The following CASK variants were observed in gnomAD, a reference collection of about 807,000 sequenced individuals.
CASK encodes peripheral plasma membrane protein CASK.
In CASK, 4 loss-of-function variants were observed where a neutral mutation model predicts 82.9. The ratio of observed to expected loss-of-function variants is 0.05; its 90% CI spans 0.02 to 0.11. The LOEUF is 0.11. CASK is among the 10% of genes least tolerant of loss of function. The probability of loss-of-function intolerance (pLI) is 1.00; values close to 1 mark genes in which losing one functional copy is unlikely to be tolerated. For missense variants in CASK, 358 were observed against 720.9 expected, an observed-to-expected ratio of 0.50 and a Z score of 5.76; for synonymous variants, 259 against 253.5, an observed-to-expected ratio of 1.02 and a Z score of -0.20.
chrX:41,715,624 A>G (rs1390344147), intron 5 of CASK, among the ~76,000 whole-genome samples: 1 of 98,884 alleles, frequency 1.0e-5, no homozygotes, highest in Non-Finnish European at 2.0e-5. Context: ...CTCTGACTTG[A>G]AAAAAAAAAA....
chrX:41,668,249 T>C (rs770957670), intron 6 of CASK, among the ~76,000 whole-genome samples: 1 of 111,755 alleles, frequency 8.9e-6, no homozygotes, highest in Non-Finnish European at 1.9e-5. Flanking sequence ...AATAGGGCTA[T>C]CCAACTCGGG....
chrX:41,677,396 G>A (rs1220295206), intron 5 of CASK, among the ~76,000 whole-genome samples: 1 of 111,502 alleles, frequency 9.0e-6, no homozygotes, highest in Admixed American at 9.6e-5. Flanking sequence ...AAGAAAACAA[G>A]GTCTAGACAG....
At chrX:41,808,951 C>A (rs958875091) in intron 2 of CASK, among the ~76,000 whole-genome samples, 3 of 112,777 alleles carry the variant, frequency 2.7e-5, no homozygotes, top group African/African-American at 6.4e-5. Context: ...TATCCTGTGC[C>A]TGGCTCAGAG....
intron 1 of CASK, among the ~76,000 whole-genome samples, chrX:41,904,641 G>A: frequency 9.0e-6 from 1 of 111,030 alleles, no homozygotes; most frequent in Non-Finnish European, 1.9e-5. Context: ...AGGTTCAGGG[G>A]ATACATATTA....
At chrX:41,700,489 A>G (rs763031460) in intron 5 of CASK, among the ~76,000 whole-genome samples, 1 of 110,433 alleles carries the variant, frequency 9.1e-6, no homozygotes, top group East Asian at 2.9e-4. Flanking sequence ...TGGGGAGCAG[A>G]CACAAGGATA....
intron 8 of CASK, among the ~76,000 whole-genome samples, chrX:41,640,042 G>A (rs189130786): frequency 3.6e-4 from 40 of 111,523 alleles, no homozygotes; most frequent in African/African-American, 1.3e-3. Flanking sequence ...GAATATTAAT[G>A]TCTTTGTATG....
chrX:41,751,330 C>G (rs1471213760), intron 3 of CASK, among the ~76,000 whole-genome samples: 1 of 111,422 alleles, frequency 9.0e-6, no homozygotes, highest in South Asian at 3.8e-4. Context: ...CTCAAACGAT[C>G]CTTTTGCTTG....
At chrX:41,825,865 C>T (rs765914591) in intron 2 of CASK, among the ~76,000 whole-genome samples, 179 of 112,503 alleles carry the variant, frequency 1.6e-3, no homozygotes, top group Non-Finnish European at 3.0e-3. Context: ...GAAATAATTT[C>T]CCTATCTTTT....
chrX:41,609,809 T>G, intron 12 of CASK, 95 bp downstream of exon 12: 1 of 942,213 alleles, frequency 1.1e-6, no homozygotes, highest in Non-Finnish European at 1.5e-6. Context: ...CGCCCGCCTC[T>G]GCCTCCCAAA....
intron 5 of CASK, among the ~76,000 whole-genome samples, chrX:41,690,657 G>A (rs1388323825): frequency 2.0e-5 from 2 of 98,299 alleles, no homozygotes; most frequent in African/African-American, 7.6e-5. Context: ...CACTGCTCCC[G>A]GCCAATTTTT....
At chrX:41,646,110 C>A (rs2066753738) in intron 8 of CASK, among the ~76,000 whole-genome samples, 1 of 111,370 alleles carries the variant, frequency 9.0e-6, no homozygotes, top group Non-Finnish European at 1.9e-5. Context: ...TGCTTATCTT[C>A]CGGAAACATC....
At position 41,538,145 on chromosome X, in the gene CASK, CTAT is replaced by C. The variant is rs765026493; in HGVS notation, c.2156-3175_2156-3173del. 7.6e-3 allele frequency among the ~76,000 whole-genome samples: 851 copies of C among 111,295 alleles called. 5 individuals are homozygous for C. Among genetic ancestry groups the C allele is most frequent in the Non-Finnish European group, 0.012 (614 of 53,038 alleles). On this transcript the variant is annotated intron_variant, in intron 22 of 26. Transcript: ENST00000378163. ...ACAGGCATGAGCCGCTGCGCACAGC[CTAT>C]TATTATTTTTAATGCCAACAGGGCA...
intron 5 of CASK, among the ~76,000 whole-genome samples, chrX:41,737,222 G>A (rs1160648056): frequency 9.0e-6 from 1 of 111,682 alleles, no homozygotes; most frequent in African/African-American, 3.3e-5. Flanking sequence ...AGAGCGCCCA[G>A]CCAGCTCCCA....
chrX:41,746,545 G>A (rs1355186331), intron 3 of CASK, among the ~76,000 whole-genome samples: 2 of 109,907 alleles, frequency 1.8e-5, no homozygotes, highest in Admixed American at 9.8e-5. Flanking sequence ...ATGTATACAT[G>A]AATTTTGCCA....
intron 2 of CASK, among the ~76,000 whole-genome samples, chrX:41,792,996 T>C (rs758761206): frequency 8.9e-6 from 1 of 111,953 alleles, no homozygotes; most frequent in East Asian, 2.8e-4. Flanking sequence ...ATATTTATAA[T>C]GTCAGTCATT....
chrX:41,831,614 ATATAG>A (rs940971279), intron 2 of CASK, among the ~76,000 whole-genome samples: 7 of 112,475 alleles, frequency 6.2e-5, no homozygotes, highest in African/African-American at 1.9e-4. Flanking sequence ...TCTTTTAATT[ATATAG>A]TAAATTATTC....
intron 5 of CASK, among the ~76,000 whole-genome samples, chrX:41,675,112 T>C (rs1335586237): frequency 1.8e-5 from 2 of 112,286 alleles, no homozygotes; most frequent in Non-Finnish European, 3.8e-5. Flanking sequence ...AAAATGAGTG[T>C]AGCAAAAATA....
At chrX:41,776,415 C>CT (rs768297811) in intron 3 of CASK, among the ~76,000 whole-genome samples, 2 of 112,736 alleles carry the variant, frequency 1.8e-5, no homozygotes, top group African/African-American at 3.2e-5. Context: ...TTAGCAAACT[C>CT]TAAGATCAGA....
In CASK at chrX:41,917,639, C is replaced by T. The variant is rs982304060; in HGVS notation, c.59+5291G>A. 9.0e-5 allele frequency among the ~76,000 whole-genome samples: 10 copies of T among 111,661 alleles called. No individual in the cohort carries two copies. The South Asian group carries it at 1.9e-3, about 21-fold the overall frequency. Reference sequence around the variant, plus strand: ...GGAAAAAATGGAGAGAGCTGAACTGCGTATGTCAAGTACATAGAAGCGTGT... The same window carrying T: ...GGAAAAAATGGAGAGAGCTGAACTGTGTATGTCAAGTACATAGAAGCGTGT... On this transcript the variant is annotated intron_variant, in intron 1 of 26. Coordinates refer to ENST00000378163, the MANE Select transcript of CASK (RefSeq NM_001367721.1).
Sources: allele counts gnomAD v4.1 joint callset (sites outside exome capture counted in the v4.1 genomes callset), GRCh38; gene constraint gnomAD v4.1.1; transcripts MANE v1.5; gene names NCBI Gene and HGNC (gene_info 2026-07-23, HGNC 2026-07-21).